The following ACAA2 variants were observed in gnomAD, a reference collection of about 807,000 sequenced individuals.
The protein encoded by ACAA2 is 3-ketoacyl-CoA thiolase, mitochondrial.
A neutral mutation model predicts 44.8 loss-of-function variants in ACAA2; 35 were observed. That is an observed-to-expected ratio of 0.78 (90% confidence interval 0.60 to 1.04). The LOEUF is 1.04. Ranked by LOEUF, ACAA2 falls within the 50% of genes least tolerant of loss-of-function variation. The pLI is 0.00. For synonymous variants in ACAA2, 142 were observed against 166.5 expected (o/e 0.85, Z 1.13); for missense variants, 468 against 482.6 (o/e 0.97, Z 0.28).
chr18:49,793,226 C>G (rs779938909), intron 5 of ACAA2, among the ~76,000 whole-genome samples: 8 of 152,136 alleles, frequency 5.3e-5, no homozygotes, highest in Non-Finnish European at 7.4e-5. Context: ...CTACTTTGAC[C>G]TCCACTGACT....
intron 1 of ACAA2, among the ~76,000 whole-genome samples, chr18:49,803,693 G>A (rs1805191466): frequency 1.3e-5 from 2 of 152,120 alleles, no homozygotes; most frequent in Non-Finnish European, 2.9e-5. Flanking sequence ...TCTATGTGCT[G>A]GAGTATATTG....
chr18:49,793,261 C>A (rs933604256), intron 5 of ACAA2, among the ~76,000 whole-genome samples: 7 of 152,178 alleles, frequency 4.6e-5, no homozygotes, highest in Non-Finnish European at 1.0e-4. Flanking sequence ...TAATCTATAG[C>A]TTTGGAAATA....
Position 49,795,795 on chromosome 18 carries a change from A to G in ACAA2, c.399T>C (p.Arg133=). ...TATCTGATCCAAGCTTGGTTCCAAAACGCACATTTCTGACACAGTAGGGAG... is the reference window on the plus strand; with the variant it reads ...TATCTGATCCAAGCTTGGTTCCAAAGCGCACATTTCTGACACAGTAGGGAG... ...SQAPYCVRNV[R]FGTKLGSDIK... is the part of the protein sequence containing the mutation. The change falls in exon 4 of 10, where the codon CGT becomes CGC. Residue 133 remains arginine, a synonymous_variant. Transcript: ENST00000285093. 1 of 1,609,592 alleles carries G rather than the reference A, an allele frequency of 6.2e-7. No homozygotes were observed. The highest frequency in any genetic ancestry group is 8.5e-7 in the Non-Finnish European group (1 of 1,178,026).
rs559887951 is a variant in ACAA2, at chr18:49,785,510, C to T, written c.955-159G>A. 17 of 710,536 alleles carry T rather than the reference C, an allele frequency of 2.4e-5. No individual in the cohort carries two copies. In the African/African-American group the frequency reaches 2.9e-4, roughly 12 times the overall value. The allele number at this position is 710,536 out of a possible 1,614,324, so 44.0% of individuals were successfully genotyped here. ...CTACAATCATTCTGCATAAAGCTAT[C>T]AGGTTTAAAATGTGTATATTTACTA... On this transcript the variant is annotated intron_variant, in intron 8 of 9. Transcript: ENST00000285093.
intron 7 of ACAA2, among the ~76,000 whole-genome samples, chr18:49,788,665 G>A (rs189441306): frequency 5.5e-4 from 84 of 152,286 alleles, no homozygotes; most frequent in Middle Eastern, 3.4e-3. Context: ...AGTGGTGACA[G>A]ACACATAAAA....
chr18:49,801,047 G>T (rs895595990), intron 2 of ACAA2, among the ~76,000 whole-genome samples: 12 of 152,000 alleles, frequency 7.9e-5, no homozygotes, highest in Admixed American at 7.9e-4. Flanking sequence ...GGAAGAAAAA[G>T]AAATAAAAAG....
At chr18:49,812,390 GCAT>G (rs2023680615) in intron 1 of ACAA2, among the ~76,000 whole-genome samples, 1 of 151,728 alleles carries the variant, frequency 6.6e-6, no homozygotes, top group South Asian at 2.1e-4. Flanking sequence ...CTGTAAAGTG[GCAT>G]CATCATGAAC....
At chr18:49,789,048 C>G (rs1471533850) in intron 7 of ACAA2, among the ~76,000 whole-genome samples, 1 of 152,194 alleles carries the variant, frequency 6.6e-6, no homozygotes, top group Non-Finnish European at 1.5e-5. Context: ...CCAGACTGCT[C>G]CAGCTGAAGA....
intron 2 of ACAA2, among the ~76,000 whole-genome samples, chr18:49,800,253 C>T (rs62100242): frequency 1.5e-5 from 2 of 134,872 alleles, no homozygotes; most frequent in East Asian, 2.3e-4. Flanking sequence ...CCAGCCGCCC[C>T]GTCCGGGAGG....
intron 1 of ACAA2, among the ~76,000 whole-genome samples, chr18:49,808,470 C>T (rs776292623): frequency 5.3e-5 from 8 of 152,192 alleles, no homozygotes; most frequent in African/African-American, 1.7e-4. Flanking sequence ...ACCCGCCCCC[C>T]AATATTTCAG....
At chr18:49,787,269 A>AAAC in intron 8 of ACAA2, 22 bp downstream of exon 8, 2 of 1,432,796 alleles carry the variant, frequency 1.4e-6, no homozygotes, top group East Asian at 2.7e-5. Flanking sequence ...TTAAAAAAAA[A>AAAC]AAAAAAAAAA....
chr18:49,796,167 G>T (rs2023462861), intron 3 of ACAA2, among the ~76,000 whole-genome samples: 1 of 152,052 alleles, frequency 6.6e-6, no homozygotes, highest in Non-Finnish European at 1.5e-5. Context: ...TATAAATCTT[G>T]AAAATCAACA....
rs1215472626 is a variant in ACAA2 at position 49,782,682 on chromosome 18, A to G, written c.*1165T>C. ...GCTAACACGGTGAAACCCCATCTCT[A>G]CTAAAAATACAAAAAATTAGCCGGG... On this transcript the variant is annotated 3_prime_UTR_variant, in exon 10 of 10. Transcript: ENST00000285093. 6.6e-6 allele frequency: 1 copy of G among 152,150 alleles called. No individual in the cohort carries two copies. The highest frequency in any genetic ancestry group is 1.9e-4 in the East Asian group (1 of 5,166). 9.4% of individuals were successfully genotyped at this position (152,150 alleles called of 1,614,324 possible). A position where few individuals can be genotyped will look rare whatever the true frequency, so the allele number is the denominator to read the frequency against.
At position 49,792,283 on chromosome 18, in the gene ACAA2, C is replaced by T. The variant is rs957587326; in HGVS notation, c.622G>A (p.Val208Met). 6.2e-7 allele frequency: 1 copy of T among 1,613,920 alleles called. No individual in the cohort carries two copies. Among genetic ancestry groups the T allele is most frequent in the Non-Finnish European group, 8.5e-7 (1 of 1,179,938 alleles). The change falls in exon 6 of 10, where the codon GTG (valine) becomes ATG (methionine). Residue 208 changes from valine (V) to methionine (M), a missense_variant. By Grantham distance (21) the Val-to-Met change is conservative (BLOSUM62 1). Transcript: ENST00000285093. The stretch of plus-strand genomic sequence containing the variant: ...GTCTGTTTTCCTTTCTTTGTCTTCA[C>T]TTCAATTGGTGCCATTTCATCATTA... Reference protein sequence around the residue: ...YFNDEMAPIEVKTKKGKQTMQ... With the variant: ...YFNDEMAPIEMKTKKGKQTMQ...
At chr18:49,785,132 A>C in intron 9 of ACAA2, 65 bp downstream of exon 9, 1 of 1,560,972 alleles carries the variant, frequency 6.4e-7, no homozygotes, top group East Asian at 2.2e-5. Flanking sequence ...GTTCTGGGGA[A>C]GCCTAAATCC....
intron 1 of ACAA2, 153 bp from the exon 2 acceptor site, chr18:49,803,006 G>A: frequency 1.1e-6 from 1 of 875,812 alleles, no homozygotes; most frequent in Non-Finnish European, 1.9e-6. Context: ...CATACCCATG[G>A]AAGCAGAGTC....
chr18:49,808,321 C>T (rs1300108259), intron 1 of ACAA2, among the ~76,000 whole-genome samples: 1 of 152,162 alleles, frequency 6.6e-6, no homozygotes, highest in Non-Finnish European at 1.5e-5. Flanking sequence ...ACACACCTAA[C>T]CATATGTATG....
rs1250740574 is a variant in ACAA2, at chr18:49,797,509, C to T, written c.269G>A (p.Arg90Lys). The change falls in exon 3 of 10, where the codon AGG (arginine) becomes AAG (lysine). Residue 90 changes from arginine to lysine, a missense_variant. Physicochemically the swap from Arg to Lys is conservative, Grantham distance 26. Coordinates refer to ENST00000285093, the MANE Select transcript of ACAA2 (RefSeq NM_006111.3). ...PKETPALTINRLCGSGFQSIV... is the reference protein window; with the variant it reads ...PKETPALTINKLCGSGFQSIV... ...GGACTGAAAACCAGAACCACAGAGC[C>T]TATTAATCGTGAGAGCTGGGGTCTC... is the stretch of plus-strand genomic sequence containing the variant. The T allele has an allele frequency of 2.5e-6, 4 of 1,611,964 alleles. No individual in the cohort carries two copies. Among genetic ancestry groups the T allele is most frequent in the African/African-American group, 1.3e-5 (1 of 74,956 alleles).
intron 2 of ACAA2, among the ~76,000 whole-genome samples, chr18:49,801,814 A>ATATATATATATATATATATATCTC (rs1491158195): frequency 1.5e-5 from 2 of 134,998 alleles, no homozygotes; most frequent in African/African-American, 5.4e-5. Context: ...ATATATATAT[A>ATATATATATATATATATATATCTC]TCTTATCTTT....
Sources: allele counts gnomAD v4.1 joint callset (sites outside exome capture counted in the v4.1 genomes callset), GRCh38; gene constraint gnomAD v4.1.1; transcripts MANE v1.5; gene names NCBI Gene and HGNC (gene_info 2026-07-23, HGNC 2026-07-21).